ABCG1: variants seen among roughly 807,000 people sequenced by gnomAD.
ABCG1 encodes ATP-binding cassette sub-family G member 1.
ABCG1 carries 29 observed loss-of-function variants against 69.2 expected under a neutral mutation model. That is an observed-to-expected ratio of 0.42 (90% CI 0.31 to 0.57). ABCG1 has a LOEUF of 0.57. ABCG1 is among the 20% of genes least tolerant of loss of function. The pLI is 0.15. For missense variants in ABCG1, 718 were observed against 898.1 expected (o/e 0.80, Z 2.56); for synonymous variants, 370 against 374.8 (o/e 0.99, Z 0.15).
chr21:42,216,101 C>A (rs2067636330), upstream of ABCG1: 1 of 449,176 alleles, frequency 2.2e-6, no homozygotes, highest in African/African-American at 2.0e-5. Flanking sequence ...AGTTTCCCTG[C>A]ACAAGCTCTC....
At chr21:42,282,154 TG>T in intron 5 of ABCG1, 119 bp from the exon 6 acceptor site, 1 of 1,398,504 alleles carries the variant, frequency 7.2e-7, no homozygotes, top group South Asian at 1.4e-5. Flanking sequence ...GGCCTCCACG[TG>T]GGCCAGGCAC....
intron 8 of ABCG1, among the ~76,000 whole-genome samples, chr21:42,286,776 G>T (rs944607152): frequency 1.3e-5 from 2 of 152,234 alleles, no homozygotes; most frequent in African/African-American, 4.8e-5. Flanking sequence ...TGGGGATGCA[G>T]AGAGGTCCTG....
chr21:42,243,725 A>C (rs2068089035), intron 2 of ABCG1, among the ~76,000 whole-genome samples: 3 of 151,822 alleles, frequency 2.0e-5, no homozygotes, highest in Non-Finnish European at 4.4e-5. Context: ...CTGTCCAGAC[A>C]GCGGTGGTGG....
intron 1 of ABCG1, among the ~76,000 whole-genome samples, chr21:42,223,163 C>T (rs981943722): frequency 6.6e-5 from 10 of 152,300 alleles, no homozygotes; most frequent in Non-Finnish European, 8.8e-5. Flanking sequence ...CCCAAATCCA[C>T]GCTCCAGCCC....
intron 2 of ABCG1, among the ~76,000 whole-genome samples, chr21:42,237,499 A>G (rs938922226): frequency 1.2e-4 from 18 of 152,190 alleles, no homozygotes; most frequent in Admixed American, 1.2e-3. Context: ...TGCCCCTACG[A>G]TCATGGGATT....
chr21:42,209,686 G>C lies in ABCG1; in HGVS notation c.48+7963G>C, dbSNP rs1012649967. ...GAAATCTAATTCATACTAGTTCAAGGTCAGAAGGGAGAGTAGAGGATCCCG... is the reference window on the plus strand; with the variant it reads ...GAAATCTAATTCATACTAGTTCAAGCTCAGAAGGGAGAGTAGAGGATCCCG... On this transcript the variant is annotated intron_variant, in intron 2 of 15. Coordinates refer to the ABCG1 transcript ENST00000398457. Among the ~76,000 whole-genome samples the C allele has an allele frequency of 3.9e-5, 6 of 152,302 alleles. No individual in the cohort carries two copies. In the East Asian group the frequency reaches 1.2e-3, roughly 29 times the overall value.
intron 2 of ABCG1, among the ~76,000 whole-genome samples, chr21:42,204,862 TG>T (rs1208746215): frequency 5.3e-5 from 8 of 152,182 alleles, no homozygotes; most frequent in African/African-American, 1.9e-4. Context: ...TTTTGATACC[TG>T]GGTATGCTAA....
intron 1 of ABCG1, among the ~76,000 whole-genome samples, chr21:42,200,598 T>G (rs2067498884): frequency 7.3e-6 from 1 of 137,766 alleles, no homozygotes; most frequent in African/African-American, 2.6e-5. Flanking sequence ...ATGTTGCACT[T>G]TTTTTTTTTT....
chr21:42,256,212 T>A, intron 2 of ABCG1: 1 of 1,448,250 alleles, frequency 6.9e-7, no homozygotes. Context: ...ACCTCATAAG[T>A]GGTTTCCCAT....
rs2068540115 is a variant in ABCG1 at position 42,267,816 on chromosome 21, CT to C, written c.287-3253del. Among the ~76,000 whole-genome samples the C allele has an allele frequency of 7.3e-5, 11 of 150,484 alleles. 1 individual carries two copies. The South Asian group carries it at 2.3e-3, about 32-fold the overall frequency. On this transcript the variant is annotated intron_variant, in intron 2 of 14. Coordinates refer to ENST00000398449, the MANE Select transcript of ABCG1 (RefSeq NM_016818.3). ...GGTCTGGGTTCTGTCTGGGTGTGGT[CT>C]GGGTTCTGTCTGGGTCTGGTCTGGG... is the stretch of plus-strand genomic sequence containing the variant.
chr21:42,281,356 T>C (rs1358585952), intron 5 of ABCG1, among the ~76,000 whole-genome samples: 1 of 152,142 alleles, frequency 6.6e-6, no homozygotes, highest in Non-Finnish European at 1.5e-5. Flanking sequence ...GAGGCAGGGA[T>C]GGCAGTGGCT....
At chr21:42,286,504 A>G (rs1051893172) in intron 8 of ABCG1, among the ~76,000 whole-genome samples, 3 of 152,204 alleles carry the variant, frequency 2.0e-5, no homozygotes, top group Non-Finnish European at 2.9e-5. Flanking sequence ...TTGTTCACGG[A>G]CGTGCCTCTC....
rs371485554 is a variant in ABCG1, at chr21:42,294,538, C to G, written c.1654-4C>G. 2.5e-5 allele frequency: 40 copies of G among 1,612,884 alleles called. No homozygotes were observed. The highest frequency in any genetic ancestry group is 3.4e-5 in the Non-Finnish European group (40 of 1,178,976). ...ACATCTGTCCTGTGTGCCCCCAACT[C>G]CAGGTGGCCACTTTCGTGGGCCCAG... is the stretch of plus-strand genomic sequence containing the variant. On this transcript the variant is annotated splice_polypyrimidine_tract_variant and splice_region_variant and intron_variant, in intron 13 of 14. Coordinates refer to ENST00000398449, the MANE Select transcript of ABCG1 (RefSeq NM_016818.3).
Position 42,288,378 on chromosome 21 carries a change from G to A in ABCG1, c.1224+66G>A. On this transcript the variant is annotated intron_variant, in intron 10 of 14. Coordinates refer to ENST00000398449, the MANE Select transcript of ABCG1 (RefSeq NM_016818.3). The surrounding 1 kb of genome is among the most constrained non-coding windows in gnomAD (Gnocchi z 4.8). ...TGGGTCATTTTCTCAGACTCGTCCT[G>A]ACGGAATGTGTTCGTTCATTCTCAC... is the stretch of plus-strand genomic sequence containing the variant. 8.3e-7 allele frequency: 1 copy of A among 1,198,198 alleles called. No homozygotes were observed. The highest frequency in any genetic ancestry group is 1.3e-5 in the South Asian group (1 of 77,576). 74.2% of individuals were successfully genotyped at this position (1,198,198 alleles called of 1,614,324 possible). A position where few individuals can be genotyped will look rare whatever the true frequency, so the allele number is the denominator to read the frequency against.
In ABCG1 at chr21:42,276,647, C is replaced by T. The variant is rs943348094; in HGVS notation, c.538-248C>T. ...CTAGCTGCATGGTGGCTAGTTGCAC[C>T]GTGGCTAGTGGCCTTATGCCTAGCT... On this transcript the variant is annotated intron_variant, in intron 4 of 14. Transcript: ENST00000398449. The surrounding 1 kb of genome is among the most constrained non-coding windows in gnomAD (Gnocchi z 5.3). The T allele has an allele frequency of 2.6e-5, 12 of 459,712 alleles. No homozygotes were observed. The highest frequency in any genetic ancestry group is 6.0e-5 in the African/African-American group (3 of 50,342). 28.5% of individuals were successfully genotyped at this position (459,712 alleles called of 1,614,324 possible).
chr21:42,221,982 C>G (rs543784184), intron 1 of ABCG1, among the ~76,000 whole-genome samples: 1 of 152,244 alleles, frequency 6.6e-6, no homozygotes, highest in Admixed American at 6.5e-5. Flanking sequence ...GAAAATATTC[C>G]CATGAACAGC....
intron 2 of ABCG1, among the ~76,000 whole-genome samples, chr21:42,207,886 G>A (rs2067555729): frequency 6.6e-6 from 1 of 152,334 alleles, no homozygotes; most frequent in South Asian, 2.1e-4. Flanking sequence ...TGAAAGTCCT[G>A]ACTCTACTGG....
chr21:42,203,919 C>A (rs1393427902), intron 2 of ABCG1, among the ~76,000 whole-genome samples: 2 of 152,034 alleles, frequency 1.3e-5, no homozygotes, highest in African/African-American at 4.8e-5. Flanking sequence ...TTTTTTACTT[C>A]TTTTATCAGG....
chr21:42,259,523 G>A lies in ABCG1; in HGVS notation c.287-11547G>A, dbSNP rs557745931. 282 of 1,538,760 alleles carry A rather than the reference G, an allele frequency of 1.8e-4. 1 individual carries two copies. In the African/African-American group the frequency reaches 3.6e-3, roughly 19 times the overall value. Reference sequence around the variant, plus strand: ...CACTCAAGGTGCATTGACTGAGGCTGGCTGGCTGGAGTCATCATGTGGGCC... The same window carrying A: ...CACTCAAGGTGCATTGACTGAGGCTAGCTGGCTGGAGTCATCATGTGGGCC... On this transcript the variant is annotated intron_variant, in intron 2 of 14. Coordinates refer to ENST00000398449, the MANE Select transcript of ABCG1 (RefSeq NM_016818.3).
Sources: allele counts gnomAD v4.1 joint callset (sites outside exome capture counted in the v4.1 genomes callset), GRCh38; gene constraint gnomAD v4.1.1; non-coding constraint Gnocchi (gnomAD v3.1); transcripts MANE v1.5; gene names NCBI Gene and HGNC (gene_info 2026-07-23, HGNC 2026-07-21).